TG: variants seen among roughly 807,000 people sequenced by gnomAD.
TG encodes thyroid hormones.
In TG, 270 loss-of-function variants were observed where a neutral mutation model predicts 324.7. That is an observed-to-expected ratio of 0.83 (90% confidence interval 0.75 to 0.92). The LOEUF (loss-of-function observed/expected upper bound fraction) is 0.92, where lower values mean the gene tolerates loss of function less well. TG is among the 40% of genes least tolerant of loss of function. The probability of loss-of-function intolerance (pLI) is 0.00; values close to 1 mark genes in which losing one functional copy is unlikely to be tolerated. For missense variants in TG, 3,591 were observed against 3,456.4 expected, an observed-to-expected ratio of 1.04 and a Z score of -0.98; for synonymous variants, 1,401 against 1,327.0, an observed-to-expected ratio of 1.06 and a Z score of -1.21.
chr8:133,133,485 T>G lies in TG; in HGVS notation c.8013T>G (p.Pro2671=). The G allele has an allele frequency of 3.1e-6, 5 of 1,614,218 alleles. No homozygotes were observed. The highest frequency in any genetic ancestry group is 4.2e-6 in the Non-Finnish European group (5 of 1,180,028). The change falls in exon 47 of 48, where the codon CCT becomes CCG. Residue 2671 remains proline (P), a synonymous_variant. Coordinates refer to ENST00000220616, the MANE Select transcript of TG (RefSeq NM_003235.5). The part of the protein sequence containing the change: ...HFIRSGNPNY[P]YEFSRKVPTF... Reference sequence around the variant, plus strand: ...ATTTGCCCAGAAATCCCAACTACCCTTATGAGTTCTCACGGAAAGTACCCA... The same window carrying G: ...ATTTGCCCAGAAATCCCAACTACCCGTATGAGTTCTCACGGAAAGTACCCA...
chr8:132,969,608 A>AT, intron 32 of TG, 39 bp downstream of exon 32: 1 of 1,342,540 alleles, frequency 7.4e-7, no homozygotes, highest in Non-Finnish European at 1.1e-6. Flanking sequence ...TTTATTATGA[A>AT]TAATACTTCC....
intron 41 of TG, among the ~76,000 whole-genome samples, chr8:133,052,480 C>T (rs1283605549): frequency 2.0e-5 from 3 of 152,062 alleles, no homozygotes; most frequent in Non-Finnish European, 4.4e-5. Flanking sequence ...AAGGGCTGGC[C>T]CAGCCAGACC....
rs11325505 is a variant in TG, at chr8:132,867,523, G to GTT, written c.67+473_67+474dup. On this transcript the variant is annotated intron_variant, in intron 1 of 47. Coordinates refer to ENST00000220616, the MANE Select transcript of TG (RefSeq NM_003235.5). The stretch of plus-strand genomic sequence containing the variant: ...ACTTCGGGCAAAGTGCCAAGCTTCT[G>GTT]TTTTTTTTTTTTTTTTTTCATTTAA... Among the ~76,000 whole-genome samples the GTT allele has an allele frequency of 4.3e-3, 532 of 124,918 alleles. 7 individuals carry two copies. The highest frequency in any genetic ancestry group is 0.015 in the African/African-American group (490 of 32,334). 82.0% of individuals were successfully genotyped at this position (124,918 alleles called of 152,430 possible).
intron 16 of TG, among the ~76,000 whole-genome samples, chr8:132,905,056 C>A (rs1194487208): frequency 6.6e-6 from 1 of 152,154 alleles, no homozygotes; most frequent in East Asian, 1.9e-4. Context: ...TTGTGGGGAA[C>A]ATTATATGAA....
intron 41 of TG, among the ~76,000 whole-genome samples, chr8:133,089,121 TA>T (rs1847089940): frequency 6.6e-6 from 1 of 152,174 alleles, no homozygotes; most frequent in Non-Finnish European, 1.5e-5. Context: ...GGTCACACAC[TA>T]CCCCTTTATC....
At chr8:132,976,363 T>G (rs7013696) in intron 34 of TG, among the ~76,000 whole-genome samples, 26,387 of 152,208 alleles carry the variant, frequency 0.17, 2,729 homozygotes, top group Middle Eastern at 0.32. Flanking sequence ...TGCCATTTTA[T>G]AATGGCATTA....
chr8:132,867,813 G>A (rs867421811), intron 1 of TG, among the ~76,000 whole-genome samples: 20 of 152,106 alleles, frequency 1.3e-4, no homozygotes, highest in African/African-American at 4.6e-4. Flanking sequence ...TAGTCCCAGC[G>A]TTGATTTTGG....
chr8:132,897,742 A>G lies in TG; in HGVS notation c.3095A>G (p.Asp1032Gly), dbSNP rs1563925721. ...TCGGGCCCCTACATGCCACAGTGTG[A>G]TGCGTTTGGAAGTTGGGAGCCTGTG... ...LRSGPYMPQC[D>G]AFGSWEPVQC... The change falls in exon 12 of 48, where the codon GAT becomes GGT. Residue 1032 changes from aspartate (D) to glycine (G), a missense_variant. Asp to Gly is a moderately conservative substitution (Grantham distance 94). Transcript: ENST00000220616. 1.2e-6 allele frequency: 2 copies of G among 1,614,032 alleles called. No individual in the cohort carries two copies. The highest frequency in any genetic ancestry group is 2.2e-5 in the East Asian group (1 of 44,880).
intron 45 of TG, among the ~76,000 whole-genome samples, chr8:133,125,940 T>G (rs1851483961): frequency 6.6e-6 from 1 of 152,232 alleles, no homozygotes; most frequent in Non-Finnish European, 1.5e-5. Context: ...CAATGGTCTT[T>G]TCATTCATAT....
chr8:132,888,929 T>G (rs1815825918), intron 10 of TG, among the ~76,000 whole-genome samples: 1 of 152,196 alleles, frequency 6.6e-6, no homozygotes, highest in East Asian at 1.9e-4. Context: ...GGTTAATGTT[T>G]AGTAATCGCT....
intron 27 of TG, among the ~76,000 whole-genome samples, chr8:132,957,770 C>CACACACACAG (rs1827139144): frequency 1.3e-5 from 2 of 149,804 alleles, no homozygotes; most frequent in Non-Finnish European, 2.9e-5. Flanking sequence ...CACACACACA[C>CACACACACAG]ACACACACAC....
intron 43 of TG, among the ~76,000 whole-genome samples, chr8:133,110,401 G>A (rs980050120): frequency 1.3e-5 from 2 of 152,216 alleles, no homozygotes; most frequent in African/African-American, 2.4e-5. Flanking sequence ...ACAGCCACTG[G>A]AACGAACTAT....
intron 28 of TG, among the ~76,000 whole-genome samples, chr8:132,962,504 C>T (rs544796439): frequency 1.3e-5 from 2 of 152,288 alleles, no homozygotes; most frequent in African/African-American, 4.8e-5. Context: ...AGAGAAGTGC[C>T]TTAAGGCCTG....
At chr8:132,985,398 T>A (rs569559534) in intron 35 of TG, among the ~76,000 whole-genome samples, 52 of 152,296 alleles carry the variant, frequency 3.4e-4, no homozygotes, top group Admixed American at 1.4e-3. Flanking sequence ...CAGTTACCCA[T>A]AGAATCCCAC....
chr8:132,873,353 C>T lies in TG; in HGVS notation c.638+132C>T, dbSNP rs938657405. On this transcript the variant is annotated intron_variant, in intron 5 of 47. Coordinates refer to ENST00000220616, the MANE Select transcript of TG (RefSeq NM_003235.5). ...TTAAGAGCTGCCTCATTCTCATGAG[C>T]TGTCCTGGGCATCTAAAGTGCCACG... is the stretch of plus-strand genomic sequence containing the variant. 3 of 1,240,246 alleles carry T rather than the reference C, an allele frequency of 2.4e-6. No homozygotes were observed. In the Admixed American group the frequency reaches 6.6e-5, roughly 27 times the overall value. The allele number at this position is 1,240,246 out of a possible 1,614,324, so 76.8% of individuals were successfully genotyped here. A position where few individuals can be genotyped will look rare whatever the true frequency, so the allele number is the denominator to read the frequency against.
chr8:132,914,662 A>C (rs1260874011), intron 20 of TG, among the ~76,000 whole-genome samples: 1 of 152,234 alleles, frequency 6.6e-6, no homozygotes, highest in Non-Finnish European at 1.5e-5. Context: ...GGTGGGGCTG[A>C]CACACAGGAG....
At chr8:133,050,173 G>C (rs1840144189) in intron 41 of TG, 1 of 608,412 alleles carries the variant, frequency 1.6e-6, no homozygotes, top group Non-Finnish European at 3.0e-6. Flanking sequence ...TATGTGTCCA[G>C]TGGATAGCCC....
intron 19 of TG, among the ~76,000 whole-genome samples, chr8:132,911,791 G>C (rs557502891): frequency 6.6e-6 from 1 of 152,360 alleles, no homozygotes; most frequent in East Asian, 1.9e-4. Context: ...TCTGCGTGCA[G>C]AGAGGTGAAA....
chr8:132,872,692 A>G (rs1334558935), intron 4 of TG, among the ~76,000 whole-genome samples: 2 of 152,112 alleles, frequency 1.3e-5, no homozygotes, highest in Non-Finnish European at 2.9e-5. Context: ...TAAGTACCCC[A>G]TACAGGTGTA....
Sources: allele counts gnomAD v4.1 joint callset (sites outside exome capture counted in the v4.1 genomes callset), GRCh38; gene constraint gnomAD v4.1.1; transcripts MANE v1.5; gene names NCBI Gene and HGNC (gene_info 2026-07-23, HGNC 2026-07-21).